Variants in PLS1 observed in about 807,000 individuals in gnomAD.
PLS1 encodes the protein plastin 1, also known as plastin-1.
PLS1 carries 32 observed loss-of-function variants against 73.7 expected under a neutral mutation model. The observed-to-expected ratio is 0.43, with a 90% CI of 0.33 to 0.58. The LOEUF is 0.58. PLS1 is among the 20% of genes least tolerant of loss of function. The pLI is 0.04. For missense variants in PLS1, 633 were observed against 740.5 expected (o/e 0.85, Z 1.68); for synonymous variants, 217 against 261.3 (o/e 0.83, Z 1.63).
At chr3:142,601,485 T>G (rs1285422895) in intron 1 of PLS1, among the ~76,000 whole-genome samples, 1 of 152,106 alleles carries the variant, frequency 6.6e-6, no homozygotes, top group Non-Finnish European at 1.5e-5. Flanking sequence ...CATTTCATCT[T>G]TATAAACCAT....
chr3:142,606,691 G>A (rs1389850664), intron 1 of PLS1, among the ~76,000 whole-genome samples: 3 of 152,058 alleles, frequency 2.0e-5, no homozygotes, highest in Admixed American at 6.6e-5. Context: ...AAATGGAATC[G>A]TATAATATGT....
chr3:142,674,719 A>C (rs1289812695), intron 4 of PLS1, among the ~76,000 whole-genome samples: 1 of 151,978 alleles, frequency 6.6e-6, no homozygotes, highest in African/African-American at 2.4e-5. Context: ...GATTTGTGTC[A>C]ATTTTTTCTT....
chr3:142,614,498 G>T (rs1304185307), intron 1 of PLS1, among the ~76,000 whole-genome samples: 1 of 152,172 alleles, frequency 6.6e-6, no homozygotes, highest in Non-Finnish European at 1.5e-5. Flanking sequence ...AGGAATGTGG[G>T]TGCAGTATTG....
intron 6 of PLS1, 150 bp from the exon 7 acceptor site, chr3:142,683,855 GT>G (rs202243528): frequency 7.3e-3 from 3,521 of 484,260 alleles, no homozygotes; most frequent in South Asian, 0.012. Context: ...AAAACCATGT[GT>G]TTTTTTTTTT....
Position 142,669,413 on chromosome 3 carries a change from A to C in PLS1, c.94A>C (p.Ser32Arg). The C allele has an allele frequency of 6.3e-7, 1 of 1,590,044 alleles. No individual in the cohort carries two copies. The highest frequency in any genetic ancestry group is 8.6e-7 in the Non-Finnish European group (1 of 1,159,172). Residue 32 changes from serine to arginine, a missense_variant, in exon 3 of 16, where the codon AGT becomes CGT. By Grantham distance (110) the Ser-to-Arg change is moderately radical. Coordinates refer to ENST00000457734, the MANE Select transcript of PLS1 (RefSeq NM_001145319.2). ...KIDIDNSGYVSDYELQDLFKE... is the reference protein window; with the variant it reads ...KIDIDNSGYVRDYELQDLFKE... ...AGATATTGACAATAGTGGGTATGTC[A>C]GTGACTATGAACTTCAAGACCTGTT...
intron 9 of PLS1, among the ~76,000 whole-genome samples, chr3:142,686,941 T>C (rs901875852): frequency 6.6e-6 from 1 of 152,212 alleles, no homozygotes; most frequent in African/African-American, 2.4e-5. Flanking sequence ...CAACAACCTG[T>C]TGTTAGATTT....
chr3:142,676,776 T>C (rs1026385913), intron 5 of PLS1, among the ~76,000 whole-genome samples: 14 of 152,214 alleles, frequency 9.2e-5, no homozygotes, highest in African/African-American at 3.4e-4. Flanking sequence ...GTCTTTGTCA[T>C]TGTTGTGTGT....
At chr3:142,695,761 CTTATTTATTTATTTAT>C (rs55888631) in intron 11 of PLS1, among the ~76,000 whole-genome samples, 233 of 94,284 alleles carry the variant, frequency 2.5e-3, no homozygotes, top group East Asian at 0.016. Flanking sequence ...AGGAGACTTA[CTTATTTATTTATTTAT>C]TTATTTATTT....
intron 1 of PLS1, among the ~76,000 whole-genome samples, chr3:142,624,483 T>G (rs2036378721): frequency 6.6e-6 from 1 of 152,214 alleles, no homozygotes; most frequent in Non-Finnish European, 1.5e-5. Flanking sequence ...GTTCCCACCC[T>G]GTGTAAAGCT....
At chr3:142,671,268 A>AT in intron 4 of PLS1, 146 bp downstream of exon 4, 1 of 688,926 alleles carries the variant, frequency 1.5e-6, no homozygotes, top group Non-Finnish European at 2.5e-6. Context: ...AGACCACAGT[A>AT]TAACATGCCA....
chr3:142,607,569 C>T (rs1405247062), intron 1 of PLS1, among the ~76,000 whole-genome samples: 2 of 152,184 alleles, frequency 1.3e-5, no homozygotes, highest in Non-Finnish European at 2.9e-5. Flanking sequence ...CCACTGCTCC[C>T]GGCCGTATTA....
At chr3:142,677,479 C>T (rs1479239580) in intron 5 of PLS1, among the ~76,000 whole-genome samples, 1 of 151,952 alleles carries the variant, frequency 6.6e-6, no homozygotes, top group Non-Finnish European at 1.5e-5. Flanking sequence ...AACCCCATCT[C>T]TACTAAAAAT....
chr3:142,607,303 C>T (rs1035274883), intron 1 of PLS1, among the ~76,000 whole-genome samples: 5 of 152,228 alleles, frequency 3.3e-5, no homozygotes, highest in East Asian at 1.9e-4. Flanking sequence ...TTTTTTGAGA[C>T]GGAGTCTCGC....
intron 4 of PLS1, among the ~76,000 whole-genome samples, chr3:142,675,562 T>C (rs2037703367): frequency 6.6e-6 from 1 of 152,062 alleles, no homozygotes. Flanking sequence ...TATTTTTGTT[T>C]ATTTAGTAGA....
intron 1 of PLS1, among the ~76,000 whole-genome samples, chr3:142,631,664 G>GGA (rs1308321889): frequency 2.5e-5 from 1 of 39,430 alleles, no homozygotes. Flanking sequence ...CCTGTCTCTA[G>GGA]AAAAAAAAAA....
chr3:142,682,955 A>T (rs1372660796), intron 6 of PLS1, among the ~76,000 whole-genome samples: 1 of 152,254 alleles, frequency 6.6e-6, no homozygotes, highest in Non-Finnish European at 1.5e-5. Flanking sequence ...AACTATATTT[A>T]AATGAACATT....
In PLS1 at chr3:142,671,109, G is replaced by A. The variant is rs1397380947; in HGVS notation, c.351G>A (p.Gln117=). ...CAACTATTTCCAGTGAGGGCACACA[G>A]CATTCTTATTCAGGTAACTGACTTC... The part of the protein sequence containing the change: ...GTSTISSEGT[Q]HSYSEEEKVA... Residue 117 remains glutamine (Q), a synonymous_variant, in exon 4 of 16, where the codon CAG becomes CAA. Coordinates refer to ENST00000457734, the MANE Select transcript of PLS1 (RefSeq NM_001145319.2). The A allele has an allele frequency of 2.5e-6, 4 of 1,610,566 alleles. No individual in the cohort carries two copies. In the African/African-American group the frequency reaches 4.0e-5, roughly 16 times the overall value.
intron 11 of PLS1, 66 bp from the exon 12 acceptor site, chr3:142,697,887 A>C (rs756166798): frequency 6.1e-6 from 5 of 824,966 alleles, no homozygotes; most frequent in Non-Finnish European, 1.1e-5. Flanking sequence ...TCTCCAGTGT[A>C]CTTAATAAAA....
At chr3:142,640,060 A>T (rs1038284906) in intron 1 of PLS1, among the ~76,000 whole-genome samples, 4 of 152,228 alleles carry the variant, frequency 2.6e-5, no homozygotes, top group African/African-American at 9.6e-5. Flanking sequence ...AGAATTTTAT[A>T]CAATAGAGGA....
Sources: gnomAD v4.1 joint callset for allele counts (sites outside exome capture counted in the v4.1 genomes callset) on GRCh38, gnomAD v4.1.1 for gene constraint, MANE v1.5 for transcripts, NCBI Gene and HGNC (gene_info 2026-07-23, HGNC 2026-07-21) for gene names.